PNN: variants seen among roughly 807,000 people sequenced by gnomAD.
The protein encoded by PNN is pinin.
In PNN, 38 loss-of-function variants were observed where a neutral mutation model predicts 76.6. That is an observed-to-expected ratio of 0.50 (90% CI 0.38 to 0.65). The LOEUF is 0.65. Ranked by LOEUF, PNN falls within the 30% of genes least tolerant of loss-of-function variation. PNN has a pLI of 0.00. For synonymous variants in PNN, 366 were observed against 283.7 expected (o/e 1.29, Z -2.91); for missense variants, 873 against 874.1 (o/e 1.00, Z 0.02).
At position 39,180,869 on chromosome 14, in the gene PNN, T is replaced by C. The variant is rs1020141425; in HGVS notation, c.1160T>C (p.Met387Thr). The C allele has an allele frequency of 2.2e-5, 35 of 1,614,016 alleles. No homozygotes were observed. The highest frequency in any genetic ancestry group is 2.7e-5 in the Non-Finnish European group (32 of 1,180,024). The change falls in exon 9 of 9, where the codon ATG (methionine) becomes ACG (threonine). Residue 387 changes from methionine to threonine, a missense_variant. Around this residue, in one of 3 missense-constraint regions of PNN, gnomAD observed 712 missense variants for 693.1 expected, o/e 1.03. Coordinates refer to ENST00000216832, the MANE Select transcript of PNN (RefSeq NM_002687.4). ...KQQDSQPEEV[M>T]DVLEMVENVK... ...CAGGATAGTCAGCCTGAAGAAGTTA[T>C]GGATGTGCTAGAGATGGTTGAGAAT...
chr14:39,176,668 CAA>C lies in PNN; in HGVS notation c.254+74_254+75del, dbSNP rs1308701631. On this transcript the variant is annotated intron_variant, in intron 3 of 8. Transcript: ENST00000216832. ...CCACACAAATATAAATGTTTATTAACAATAATTCTGTTTCAGCAATATTAAAA... is the reference window on the plus strand; with the variant it reads ...CCACACAAATATAAATGTTTATTAACTAATTCTGTTTCAGCAATATTAAAA... The C allele has an allele frequency of 1.4e-5, 12 of 878,494 alleles. No individual in the cohort carries two copies. In the African/African-American group the frequency reaches 2.1e-4, roughly 15 times the overall value. The allele number at this position is 878,494 out of a possible 1,614,324, so 54.4% of individuals were successfully genotyped here.
chr14:39,176,576 C>G lies in PNN; in HGVS notation c.235C>G (p.Leu79Val), dbSNP rs1284011422. 6.2e-7 allele frequency: 1 copy of G among 1,605,778 alleles called. No individual in the cohort carries two copies. The highest frequency in any genetic ancestry group is 8.5e-7 in the Non-Finnish European group (1 of 1,176,386). The change falls in exon 3 of 9, where the codon CTT becomes GTT. Residue 79 changes from leucine to valine, a missense_variant. Coordinates refer to ENST00000216832, the MANE Select transcript of PNN (RefSeq NM_002687.4). ...GGGPPAKQRD[L>V]EGAVSRLGGE... ...AGGACCCCCAGCCAAACAGAGAGAC[C>G]TTGAAGGGGCAGTCAGTAGGTAGGT...
rs1300320294 is a variant in PNN, at chr14:39,177,659, C to T, written c.394C>T (p.Gln132Ter). 3 of 1,612,160 alleles carry T rather than the reference C, an allele frequency of 1.9e-6. No individual in the cohort carries two copies. Among genetic ancestry groups the T allele is most frequent in the Non-Finnish European group, 2.5e-6 (3 of 1,178,606 alleles). ...CACACGTAGAGACCTTATCCAGGAT[C>T]AAAATATGGATGAAAAGGGAAAGCA... ...ERTRRDLIQDQNMDEKGKQRN... is the reference protein window; with the variant it reads ...ERTRRDLIQD The change falls in exon 5 of 9, where the codon CAA (glutamine) becomes TAA (stop). Residue 132 changes from glutamine (Q) to a stop codon, truncating the protein, a stop_gained. Coordinates refer to ENST00000216832, the MANE Select transcript of PNN (RefSeq NM_002687.4). LOFTEE classifies it high-confidence loss of function.
Position 39,181,877 on chromosome 14 carries a change from G to A in PNN, c.*14G>A. 1.3e-6 allele frequency: 2 copies of A among 1,550,046 alleles called. No individual in the cohort carries two copies. Among genetic ancestry groups the A allele is most frequent in the Non-Finnish European group, 8.6e-7 (1 of 1,156,994 alleles). On this transcript the variant is annotated 3_prime_UTR_variant, in exon 9 of 9. Coordinates refer to ENST00000216832, the MANE Select transcript of PNN (RefSeq NM_002687.4). ...AAAAGGCGTTAATGGAAGAAGCCAG[G>A]CTTTCTTAGCCATTCTTTGCAGCAG...
Position 39,181,528 on chromosome 14 carries a change from T to C in PNN, c.1819T>C (p.Ser607Pro). ...SSGSSSSRSS[S>P]SSSSSTSGSS... ...TGGAAGTAGTAGCAGTCGCAGTAGT[T>C]CCAGTAGCAGCTCCAGTACAAGTGG... The change falls in exon 9 of 9, where the codon TCC (serine) becomes CCC (proline). Residue 607 changes from serine to proline, a missense_variant. This residue lies in a region of PNN where 712 missense variants were observed against 693.1 expected (regional missense o/e 1.03). Coordinates refer to ENST00000216832, the MANE Select transcript of PNN (RefSeq NM_002687.4). The C allele has an allele frequency of 6.2e-7, 1 of 1,602,990 alleles. No homozygotes were observed. Among genetic ancestry groups the C allele is most frequent in the Non-Finnish European group, 8.5e-7 (1 of 1,174,784 alleles).
chr14:39,178,301 G>C (rs1056374746), intron 6 of PNN, among the ~76,000 whole-genome samples: 1 of 152,158 alleles, frequency 6.6e-6, no homozygotes, highest in Non-Finnish European at 1.5e-5. Context: ...GGCTGAGGCA[G>C]GTGGATCACC....
At chr14:39,176,656 A>C in intron 3 of PNN, 61 bp downstream of exon 3, 1 of 981,614 alleles carries the variant, frequency 1.0e-6, no homozygotes, top group South Asian at 1.4e-5. Flanking sequence ...CACAAATATA[A>C]ATGTTTATTA....
intron 6 of PNN, among the ~76,000 whole-genome samples, chr14:39,178,783 G>A (rs2053248990): frequency 6.6e-6 from 1 of 151,536 alleles, no homozygotes; most frequent in South Asian, 2.1e-4. Flanking sequence ...TCTTGCTCAG[G>A]CTGGAGTGTA....
chr14:39,177,215 C>T (rs2053233566), intron 3 of PNN, among the ~76,000 whole-genome samples, 197 bp from the exon 4 acceptor site: 1 of 152,156 alleles, frequency 6.6e-6, no homozygotes, highest in Non-Finnish European at 1.5e-5. Flanking sequence ...GAAATCCCAT[C>T]CCTACAAAAA....
At position 39,177,695 on chromosome 14, in the gene PNN, C is replaced by T. The variant is rs2053239266; in HGVS notation, c.422+8C>T. ...TGAAAAGGGAAAGCAAAGGTATTTC[C>T]CTGGGGGAAAAAAACTCTAGTGAAA... On this transcript the variant is annotated splice_region_variant and intron_variant, in intron 5 of 8. Coordinates refer to ENST00000216832, the MANE Select transcript of PNN (RefSeq NM_002687.4). The T allele has an allele frequency of 6.3e-7, 1 of 1,598,558 alleles. No homozygotes were observed. The highest frequency in any genetic ancestry group is 1.7e-4 in the Middle Eastern group (1 of 6,040).
Position 39,180,997 on chromosome 14 carries a change from G to A in PNN, c.1288G>A (p.Glu430Lys). Residue 430 changes from glutamate (E) to lysine (K), a missense_variant, in exon 9 of 9, where the codon GAA becomes AAA. This residue lies in a region of PNN where 712 missense variants were observed against 693.1 expected (regional missense o/e 1.03). Coordinates refer to ENST00000216832, the MANE Select transcript of PNN (RefSeq NM_002687.4). ...EASKELEPEM[E>K]FEIEPDKECK... ...TAGCAAAGAATTGGAACCAGAAATG[G>A]AATTTGAAATTGAGCCAGATAAAGA... The A allele has an allele frequency of 6.2e-7, 1 of 1,613,344 alleles. No homozygotes were observed. The highest frequency in any genetic ancestry group is 2.2e-5 in the East Asian group (1 of 44,884).
chr14:39,175,652 G>A (rs1057206032), intron 1 of PNN: 3 of 515,126 alleles, frequency 5.8e-6, no homozygotes, highest in Non-Finnish European at 1.0e-5. Flanking sequence ...GAGAAGACCC[G>A]GACTGCTGAT....
At chr14:39,177,112 C>T (rs1173918775) in intron 3 of PNN, among the ~76,000 whole-genome samples, 2 of 152,202 alleles carry the variant, frequency 1.3e-5, no homozygotes, top group African/African-American at 4.8e-5. Flanking sequence ...TGGCCAGGCA[C>T]AGTGGCTCAT....
chr14:39,176,708 C>T (rs536016338), intron 3 of PNN, 113 bp downstream of exon 3: 5 of 674,062 alleles, frequency 7.4e-6, no homozygotes. Context: ...GAGTGGTATG[C>T]CACTCCCTGC....
chr14:39,177,789 T>C, intron 5 of PNN, 52 bp from the exon 6 acceptor site: 1 of 1,486,286 alleles, frequency 6.7e-7, no homozygotes. Context: ...AAATGATGGG[T>C]TTAAATGAAA....
intron 1 of PNN, 121 bp downstream of exon 1, chr14:39,175,513 G>A (rs551161572): frequency 1.4e-6 from 1 of 692,258 alleles, no homozygotes; most frequent in Non-Finnish European, 2.6e-6. Flanking sequence ...GCCTGTTCGC[G>A]GGGCGGCGGG....
chr14:39,180,238 G>C (rs1328780430), intron 8 of PNN, among the ~76,000 whole-genome samples: 2 of 152,146 alleles, frequency 1.3e-5, no homozygotes, highest in Admixed American at 1.3e-4. Context: ...TTTTTCATCA[G>C]ACATAAAGAT....
In PNN at chr14:39,182,690, GTGTCT is replaced by G. The variant is rs1250863420; in HGVS notation, c.*834_*838del. 2 of 152,624 alleles carry G rather than the reference GTGTCT, an allele frequency of 1.3e-5. No homozygotes were observed. The highest frequency in any genetic ancestry group is 6.6e-5 in the Admixed American group (1 of 15,266). 9.5% of individuals were successfully genotyped at this position (152,624 alleles called of 1,614,324 possible). A position where few individuals can be genotyped will look rare whatever the true frequency, so the allele number is the denominator to read the frequency against. On this transcript the variant is annotated 3_prime_UTR_variant, in exon 9 of 9. Transcript: ENST00000216832. ...TCTTTCAAACTTGGTTTTTGAGTTT[GTGTCT>G]TGTCTTAACTTTGTGTTGGCTCTAA...
chr14:39,175,403 A>C lies in PNN; in HGVS notation c.113+11A>C. On this transcript the variant is annotated intron_variant, in intron 1 of 8. Transcript: ENST00000216832. ...TCCGAATGACGTGAGGTAAGGGCCT[A>C]ACGGGAACTCGGAACTCGGAGCTCG... is the stretch of plus-strand genomic sequence containing the variant. The C allele has an allele frequency of 1.9e-6, 3 of 1,543,690 alleles. No homozygotes were observed. The highest frequency in any genetic ancestry group is 2.2e-5 in the South Asian group (2 of 89,426).
Sources: allele counts gnomAD v4.1 joint callset (sites outside exome capture counted in the v4.1 genomes callset), GRCh38; gene constraint gnomAD v4.1.1; regional missense constraint gnomAD v4.1.1; transcripts MANE v1.5; gene names NCBI Gene and HGNC (gene_info 2026-07-23, HGNC 2026-07-21).